The following USP34 variants were observed in gnomAD, a reference collection of about 807,000 sequenced individuals.
USP34 encodes ubiquitin specific peptidase 34, also known as ubiquitin carboxyl-terminal hydrolase 34.
USP34 carries 70 observed loss-of-function variants against 460.3 expected under a neutral mutation model. The observed-to-expected ratio is 0.15, with a 90% CI of 0.13 to 0.19. USP34 has a LOEUF of 0.19. Ranked by LOEUF, USP34 falls within the 10% of genes least tolerant of loss-of-function variation. The pLI is 1.00. For missense variants in USP34, 3,985 were observed against 4,236.2 expected, an observed-to-expected ratio of 0.94 and a Z score of 1.65; for synonymous variants, 1,647 against 1,405.3, an observed-to-expected ratio of 1.17 and a Z score of -3.85.
rs567146108 is a variant in USP34 at position 61,293,869 on chromosome 2, G to A, written c.4462-319C>T. On this transcript the variant is annotated intron_variant, in intron 32 of 79. Transcript: ENST00000398571. ...ATCTCTACAAAAAATAAAAAAATTGGCCGGGTATGGTGGCTGGTGCCTATA... is the reference window on the plus strand; with the variant it reads ...ATCTCTACAAAAAATAAAAAAATTGACCGGGTATGGTGGCTGGTGCCTATA... Among the ~76,000 whole-genome samples the A allele has an allele frequency of 2.6e-5, 4 of 152,106 alleles. No individual in the cohort carries two copies. In the South Asian group the frequency reaches 8.3e-4, roughly 32 times the overall value.
At chr2:61,356,806 T>C (rs1356935291) in intron 10 of USP34, among the ~76,000 whole-genome samples, 1 of 152,154 alleles carries the variant, frequency 6.6e-6, no homozygotes, top group Non-Finnish European at 1.5e-5. Context: ...ACAATGCAAA[T>C]AGACTTAACA....
intron 1 of USP34, among the ~76,000 whole-genome samples, chr2:61,467,361 G>A (rs942156374): frequency 1.2e-4 from 19 of 152,062 alleles, no homozygotes; most frequent in African/African-American, 4.1e-4. Flanking sequence ...TGTTGCCCAC[G>A]CTGGTCTCGA....
intron 1 of USP34, among the ~76,000 whole-genome samples, chr2:61,455,721 A>G (rs563652801): frequency 2.0e-5 from 3 of 152,284 alleles, no homozygotes; most frequent in South Asian, 4.2e-4. Context: ...AACTAAAACT[A>G]TTTCACAAAA....
chr2:61,417,151 G>A lies in USP34; in HGVS notation c.131+3595C>T, dbSNP rs928760098. 1.9e-6 allele frequency: 3 copies of A among 1,576,904 alleles called. No homozygotes were observed. In the African/African-American group the frequency reaches 4.0e-5, roughly 21 times the overall value. On this transcript the variant is annotated intron_variant, in intron 2 of 79. Coordinates refer to ENST00000398571, the MANE Select transcript of USP34 (RefSeq NM_014709.4). Reference sequence around the variant, plus strand: ...TTGGCCAATGTGAACCCTGGCCACAGTGCCCTGGGGCTTTCCAAAGGCACC... The same window carrying A: ...TTGGCCAATGTGAACCCTGGCCACAATGCCCTGGGGCTTTCCAAAGGCACC...
chr2:61,272,506 T>C (rs1241897876), intron 41 of USP34, among the ~76,000 whole-genome samples: 2 of 152,036 alleles, frequency 1.3e-5, no homozygotes, highest in Non-Finnish European at 2.9e-5. Context: ...AGCTCTACCT[T>C]CAATAAATAT....
intron 5 of USP34, among the ~76,000 whole-genome samples, chr2:61,394,562 G>C (rs1359870707): frequency 1.4e-5 from 2 of 143,082 alleles, no homozygotes; most frequent in Non-Finnish European, 3.1e-5. Context: ...AAAAAAATAA[G>C]TTAAAAAATG....
chr2:61,440,658 A>T (rs1221246630), intron 1 of USP34, among the ~76,000 whole-genome samples: 1 of 151,312 alleles, frequency 6.6e-6, no homozygotes, highest in Admixed American at 6.6e-5. Context: ...GCTGGGATTA[A>T]AGGCGCCCAC....
At chr2:61,302,457 A>C (rs1011314219) in intron 27 of USP34, among the ~76,000 whole-genome samples, 1 of 152,222 alleles carries the variant, frequency 6.6e-6, no homozygotes, top group African/African-American at 2.4e-5. Flanking sequence ...GTAAATTGCT[A>C]ATCATTGTGT....
At chr2:61,323,650 G>A (rs757464027) in intron 21 of USP34, among the ~76,000 whole-genome samples, 2 of 152,136 alleles carry the variant, frequency 1.3e-5, no homozygotes, top group Non-Finnish European at 2.9e-5. Flanking sequence ...TGGGAGAAGT[G>A]AAGTTTTAGA....
At chr2:61,421,580 T>C (rs971127434) in intron 1 of USP34, among the ~76,000 whole-genome samples, 6 of 152,146 alleles carry the variant, frequency 3.9e-5, no homozygotes, top group African/African-American at 1.4e-4. Context: ...CAAGAAAGCA[T>C]TTTTGAGGCT....
intron 10 of USP34, among the ~76,000 whole-genome samples, chr2:61,365,895 C>G (rs149219925): frequency 1.5e-3 from 229 of 152,120 alleles, no homozygotes; most frequent in Admixed American, 3.5e-3. Flanking sequence ...AAGTTCCCAT[C>G]AGACACAAAA....
rs774556696 is a variant in USP34 at position 61,281,173 on chromosome 2, A to C, written c.5068T>G (p.Ser1690Ala). 2 of 1,614,068 alleles carry C rather than the reference A, an allele frequency of 1.2e-6. No individual in the cohort carries two copies. The highest frequency in any genetic ancestry group is 4.5e-5 in the East Asian group (2 of 44,876). ...AATAGCAGAAAAGAACGATTGATTG[A>C]GTCTCCTCCATCCAGCCCTGACAGG... ...LSLSGLDGGD[S>A]INRSFLLLAA... Residue 1690 changes from serine to alanine, a missense_variant, in exon 38 of 80, where the codon TCA becomes GCA. By Grantham distance (99) the Ser-to-Ala change is moderately conservative (BLOSUM62 1). Transcript: ENST00000398571.
At chr2:61,364,394 A>C (rs146330658) in intron 10 of USP34, among the ~76,000 whole-genome samples, 481 of 152,296 alleles carry the variant, frequency 3.2e-3, no homozygotes, top group Non-Finnish European at 5.5e-3. Flanking sequence ...AGAAGAAACC[A>C]GGGGCTGAAA....
At chr2:61,233,194 TTTTC>T (rs918051688) in intron 57 of USP34, among the ~76,000 whole-genome samples, 6 of 152,212 alleles carry the variant, frequency 3.9e-5, no homozygotes, top group South Asian at 4.1e-4. Flanking sequence ...GCATGATTAA[TTTTC>T]TTTCTGTTTA....
intron 10 of USP34, among the ~76,000 whole-genome samples, chr2:61,369,999 A>C (rs892198124): frequency 2.0e-5 from 3 of 151,330 alleles, no homozygotes; most frequent in African/African-American, 7.3e-5. Flanking sequence ...AAAAAAAAAA[A>C]AAACAGTACA....
chr2:61,254,469 A>G (rs1487231027), intron 48 of USP34, among the ~76,000 whole-genome samples: 2 of 152,244 alleles, frequency 1.3e-5, no homozygotes, highest in African/African-American at 2.4e-5. Context: ...ATGTGAATAC[A>G]CTACTTAAAA....
At chr2:61,204,105 A>G in intron 74 of USP34, 151 bp downstream of exon 74, 4 of 1,049,730 alleles carry the variant, frequency 3.8e-6, no homozygotes, top group Non-Finnish European at 5.5e-6. Context: ...AACATTTCAG[A>G]GCACTAAAAG....
intron 39 of USP34, among the ~76,000 whole-genome samples, chr2:61,278,776 A>C (rs1421613637): frequency 7.4e-6 from 1 of 135,860 alleles, no homozygotes; most frequent in African/African-American, 2.6e-5. Flanking sequence ...TAAAACTTAA[A>C]GTATAATAAA....
chr2:61,371,650 T>C (rs1474637399), intron 8 of USP34, among the ~76,000 whole-genome samples: 1 of 152,192 alleles, frequency 6.6e-6, no homozygotes, highest in South Asian at 2.1e-4. Context: ...AAATAATTTG[T>C]ATAGCCTAAG....
Sources: gnomAD v4.1 joint callset for allele counts (sites outside exome capture counted in the v4.1 genomes callset) on GRCh38, gnomAD v4.1.1 for gene constraint, MANE v1.5 for transcripts, NCBI Gene and HGNC (gene_info 2026-07-23, HGNC 2026-07-21) for gene names.